WDR41: variants seen among roughly 807,000 people sequenced by gnomAD.
The protein encoded by WDR41 is WD repeat-containing protein 41.
WDR41 carries 63 observed loss-of-function variants against 69.3 expected under a neutral mutation model. The observed-to-expected ratio is 0.91, with a 90% CI of 0.74 to 1.12. The LOEUF is 1.12. Ranked by LOEUF, WDR41 falls within the 50% of genes most tolerant of loss-of-function variation. The pLI is 0.00. For synonymous variants in WDR41, 185 were observed against 192.1 expected (o/e 0.96, Z 0.31); for missense variants, 543 against 534.5 (o/e 1.02, Z -0.16).
Position 77,598,150 on chromosome 5 carries a change from G to T in WDR41, c.42+22329C>A, listed in dbSNP as rs191857493. ...AGCAAATAGAAAATAACAAGCACAG[G>T]TTAAATGCTAGTGTCTAGACAGTTG... On this transcript the variant is annotated intron_variant, in intron 1 of 5. Transcript: ENST00000509971. Among the ~76,000 whole-genome samples the T allele has an allele frequency of 1.4e-4, 21 of 152,336 alleles. No homozygotes were observed. In the East Asian group the frequency reaches 4.0e-3, roughly 29 times the overall value.
intron 1 of WDR41, among the ~76,000 whole-genome samples, chr5:77,617,626 G>A (rs1167817693): frequency 6.6e-6 from 1 of 152,048 alleles, no homozygotes; most frequent in Non-Finnish European, 1.5e-5. Context: ...GAAGCAAAAT[G>A]CAAAACAAAA....
chr5:77,490,999 A>C (rs1415049311), intron 1 of WDR41, among the ~76,000 whole-genome samples: 6 of 152,264 alleles, frequency 3.9e-5, no homozygotes, highest in African/African-American at 1.4e-4. Flanking sequence ...TGCAATTCAC[A>C]AATTCTGTTC....
chr5:77,485,947 C>CA (rs1202930287), intron 2 of WDR41, among the ~76,000 whole-genome samples: 8 of 149,760 alleles, frequency 5.3e-5, no homozygotes, highest in South Asian at 4.2e-4. Context: ...AACAGCTGAC[C>CA]AAAAAAAACC....
At chr5:77,576,683 T>C (rs971282206) in intron 1 of WDR41, among the ~76,000 whole-genome samples, 12 of 151,888 alleles carry the variant, frequency 7.9e-5, no homozygotes, top group East Asian at 1.9e-4. Flanking sequence ...TCCTTTTTTT[T>C]CCTCACATTT....
At chr5:77,509,728 T>C (rs1581779270) in intron 1 of WDR41, among the ~76,000 whole-genome samples, 1 of 152,064 alleles carries the variant, frequency 6.6e-6, no homozygotes, top group African/African-American at 2.4e-5. Context: ...AGATATAAGG[T>C]TTCTTCTTGA....
At chr5:77,537,228 G>A (rs866683425) in intron 1 of WDR41, among the ~76,000 whole-genome samples, 5 of 152,122 alleles carry the variant, frequency 3.3e-5, no homozygotes, top group Non-Finnish European at 5.9e-5. Context: ...CATTGCGTTC[G>A]GAAAATGTGA....
intron 1 of WDR41, among the ~76,000 whole-genome samples, chr5:77,586,068 A>G (rs566334376): frequency 4.1e-4 from 62 of 152,320 alleles, no homozygotes; most frequent in Middle Eastern, 3.4e-3. Context: ...CCATGCAAGT[A>G]TATACTGCAT....
intron 1 of WDR41, among the ~76,000 whole-genome samples, chr5:77,550,873 T>C (rs1743282990): frequency 6.6e-6 from 1 of 152,164 alleles, no homozygotes; most frequent in African/African-American, 2.4e-5. Context: ...GAAAATATAG[T>C]ACATGTATAC....
rs771513849 is a variant in WDR41 at position 77,459,076 on chromosome 5, G to A, written c.397C>T (p.Gln133Ter). The A allele has an allele frequency of 1.9e-6, 3 of 1,600,408 alleles. No individual in the cohort carries two copies. Among genetic ancestry groups the A allele is most frequent in the Non-Finnish European group, 2.6e-6 (3 of 1,170,968 alleles). ...TAAGATTTTACCTTTACAGTAGACT[G>A]GAAGCATGATATTCTCTGAACTTGT... ...TRQVQRISCF[Q>*]STVKCLTVLQ... The change falls in exon 5 of 13, where the codon CAG (glutamine) becomes TAG (stop). Residue 133 changes from glutamine (Q) to a stop codon, truncating the protein, a stop_gained. Transcript: ENST00000296679. LOFTEE classifies it high-confidence loss of function.
At chr5:77,448,952 C>T (rs1376876620) in intron 8 of WDR41, among the ~76,000 whole-genome samples, 1 of 152,120 alleles carries the variant, frequency 6.6e-6, no homozygotes, top group African/African-American at 2.4e-5. Flanking sequence ...GGGGTGCTGT[C>T]TAGCCCTCCC....
intron 1 of WDR41, among the ~76,000 whole-genome samples, chr5:77,542,689 G>C (rs1485690422): frequency 1.3e-5 from 2 of 152,160 alleles, no homozygotes; most frequent in African/African-American, 4.8e-5. Context: ...GTCCTAGCCA[G>C]AGCAATCAGA....
chr5:77,543,345 A>T (rs1420374669), intron 1 of WDR41, among the ~76,000 whole-genome samples: 8 of 152,256 alleles, frequency 5.3e-5, no homozygotes, highest in Admixed American at 5.2e-4. Flanking sequence ...GAGGTTAGTT[A>T]CTAAGCTAAT....
intron 12 of WDR41, 107 bp downstream of exon 12, chr5:77,436,154 A>G: frequency 7.1e-7 from 1 of 1,411,292 alleles, no homozygotes; most frequent in South Asian, 1.5e-5. Context: ...ACAAACACCT[A>G]CAGATATAAG....
intron 1 of WDR41, chr5:77,582,407 T>C: frequency 1.2e-6 from 2 of 1,610,034 alleles, no homozygotes; most frequent in Non-Finnish European, 1.7e-6. Context: ...AAGAAGGAGG[T>C]TCCTGCTGTG....
chr5:77,471,446 T>C (rs890066507), intron 2 of WDR41, among the ~76,000 whole-genome samples: 9 of 151,722 alleles, frequency 5.9e-5, no homozygotes, highest in African/African-American at 1.7e-4. Context: ...CTGAAGGAAA[T>C]AGAGACACAA....
chr5:77,479,035 A>G (rs1240800830), intron 2 of WDR41, among the ~76,000 whole-genome samples: 2 of 151,794 alleles, frequency 1.3e-5, no homozygotes, highest in African/African-American at 4.8e-5. Context: ...ACCAACAACA[A>G]ACAGAGAGCC....
intron 7 of WDR41, among the ~76,000 whole-genome samples, 154 bp from the exon 8 acceptor site, chr5:77,450,024 C>G (rs1249110836): frequency 6.6e-6 from 1 of 152,222 alleles, no homozygotes; most frequent in Admixed American, 6.5e-5. Context: ...CTACTTTAAA[C>G]TATTTCTTTC....
At chr5:77,491,369 G>C (rs1299769368) in intron 1 of WDR41, 2 of 161,400 alleles carry the variant, frequency 1.2e-5, no homozygotes, top group African/African-American at 2.4e-5. Context: ...TTCGGACTCA[G>C]CCCGCCTGCA....
At chr5:77,568,506 A>G (rs889898777) in intron 1 of WDR41, among the ~76,000 whole-genome samples, 2 of 152,106 alleles carry the variant, frequency 1.3e-5, no homozygotes, top group Non-Finnish European at 2.9e-5. Context: ...CTTCTGCTCT[A>G]TATACTTTGA....
Sources: gnomAD v4.1 joint callset for allele counts (sites outside exome capture counted in the v4.1 genomes callset) on GRCh38, gnomAD v4.1.1 for gene constraint, MANE v1.5 for transcripts, NCBI Gene and HGNC (gene_info 2026-07-23, HGNC 2026-07-21) for gene names.